Variants in SLC60A1 observed in about 807,000 individuals in gnomAD.
SLC60A1 encodes major facilitator superfamily domain containing 4.
chr1:205,586,303 C>A, the SLC60A1 span: 2 of 1,428,286 alleles, frequency 1.4e-6, no homozygotes, highest in Admixed American at 4.0e-5. Flanking sequence ...GGCCTACATT[C>A]TGCCAGCAGG....
the SLC60A1 span, among the ~76,000 whole-genome samples, chr1:205,589,066 T>G: frequency 6.6e-6 from 1 of 152,144 alleles, no homozygotes; most frequent in Non-Finnish European, 1.5e-5. Context: ...CTTTCAAACT[T>G]CCCCAAATTT....
the SLC60A1 span, chr1:205,580,076 C>G: frequency 9.9e-7 from 1 of 1,013,770 alleles, no homozygotes; most frequent in Non-Finnish European, 1.4e-6. The surrounding 1 kb of genome is among the most constrained non-coding windows in gnomAD (Gnocchi z 5.0). Context: ...AAGTTCTAGA[C>G]TCGGTTTTCC....
chr1:205,579,220 C>T, the SLC60A1 span, among the ~76,000 whole-genome samples: 3 of 152,226 alleles, frequency 2.0e-5, no homozygotes, highest in East Asian at 2.0e-4. Context: ...CTGGTGTGGG[C>T]GTCTCAGGCC....
At chr1:205,575,840 T>C in the SLC60A1 span, among the ~76,000 whole-genome samples, 1 of 152,168 alleles carries the variant, frequency 6.6e-6, no homozygotes, top group Non-Finnish European at 1.5e-5. Context: ...TCTCTGGGCC[T>C]TGGGGAAAGT....
At chr1:205,597,373 G>GTTT in the SLC60A1 span, among the ~76,000 whole-genome samples, 11 of 37,216 alleles carry the variant, frequency 3.0e-4, 1 homozygote, top group African/African-American at 4.6e-4. Flanking sequence ...AACCTAGGTT[G>GTTT]TTTTTTTTTT....
At chr1:205,600,285 T>C in the SLC60A1 span, 5 of 983,550 alleles carry the variant, frequency 5.1e-6, no homozygotes, top group Non-Finnish European at 7.5e-6. Context: ...TTCACTTTGC[T>C]CCCTCTAGAG....
chr1:205,573,550 A>G, the SLC60A1 span, among the ~76,000 whole-genome samples: 1 of 122,658 alleles, frequency 8.2e-6, no homozygotes, highest in Non-Finnish European at 1.8e-5. Context: ...AAGAAGACAG[A>G]CACAAGAGAT....
chr1:205,579,267 G>C, the SLC60A1 span, among the ~76,000 whole-genome samples: 7 of 152,158 alleles, frequency 4.6e-5, no homozygotes, highest in African/African-American at 1.7e-4. Flanking sequence ...CACCATTCCT[G>C]TGTGGGGAGG....
At chr1:205,589,523 T>C in the SLC60A1 span, among the ~76,000 whole-genome samples, 2 of 152,366 alleles carry the variant, frequency 1.3e-5, no homozygotes, top group South Asian at 4.1e-4. Context: ...CACAGATACA[T>C]TTATTCATGC....
the SLC60A1 span, among the ~76,000 whole-genome samples, chr1:205,594,600 G>T: frequency 1.3e-5 from 2 of 150,676 alleles, no homozygotes; most frequent in Non-Finnish European, 2.9e-5. Flanking sequence ...AGGTTGCAGC[G>T]AGCTGAGATT....
chr1:205,588,032 C>T, the SLC60A1 span, among the ~76,000 whole-genome samples: 6 of 152,032 alleles, frequency 3.9e-5, no homozygotes, highest in Admixed American at 6.6e-5. Flanking sequence ...TGAGTGAATC[C>T]GAATGTCCAG....
the SLC60A1 span, chr1:205,584,964 G>T: frequency 6.2e-7 from 1 of 1,613,986 alleles, no homozygotes; most frequent in Non-Finnish European, 8.5e-7. Flanking sequence ...CGGGCGCCCT[G>T]GTACTGTTCA....
chr1:205,579,823 C>G, the SLC60A1 span: 6 of 1,614,080 alleles, frequency 3.7e-6, no homozygotes, highest in Admixed American at 6.7e-5. Context: ...TCATCCCCTT[C>G]TGCCGCGACG....
the SLC60A1 span, chr1:205,569,132 C>A: frequency 6.5e-7 from 1 of 1,533,704 alleles, no homozygotes. Flanking sequence ...CGCTCACCTA[C>A]TGGAGCGTCT....
At chr1:205,592,180 C>G in the SLC60A1 span, 2 of 1,614,150 alleles carry the variant, frequency 1.2e-6, no homozygotes, top group Non-Finnish European at 1.7e-6. Flanking sequence ...CTTATTTTCT[C>G]CTACAACGTC....
chr1:205,573,182 G>A, the SLC60A1 span, among the ~76,000 whole-genome samples: 2 of 151,930 alleles, frequency 1.3e-5, no homozygotes, highest in South Asian at 2.1e-4. Context: ...AGGCTGAGGC[G>A]GGTAGATCAC....
the SLC60A1 span, among the ~76,000 whole-genome samples, chr1:205,596,890 G>A: frequency 6.6e-6 from 1 of 152,202 alleles, no homozygotes; most frequent in Non-Finnish European, 1.5e-5. Context: ...TGAAGGAGGT[G>A]TGATGCTCAT....
At chr1:205,592,942 T>C in the SLC60A1 span, among the ~76,000 whole-genome samples, 1 of 152,190 alleles carries the variant, frequency 6.6e-6, no homozygotes. Flanking sequence ...CGTGCCTGCC[T>C]TGTGGCTGTG....
At chr1:205,580,242 C>A in the SLC60A1 span, among the ~76,000 whole-genome samples, 1 of 152,118 alleles carries the variant, frequency 6.6e-6, no homozygotes, top group African/African-American at 2.4e-5. This position sits in a 1 kb window ranked among gnomAD's most constrained non-coding sequence, Gnocchi z 5.0. Flanking sequence ...CTCCTTTCTT[C>A]GTCTTTCTCC....
Sources: gnomAD v4.1 joint callset for allele counts (sites outside exome capture counted in the v4.1 genomes callset) on GRCh38, gnomAD v4.1.1 for gene constraint, Gnocchi (gnomAD v3.1) non-coding constraint, MANE v1.5 for transcripts, NCBI Gene and HGNC (gene_info 2026-07-23, HGNC 2026-07-21) for gene names.